FSTL4: variants seen among roughly 807,000 people sequenced by gnomAD.
FSTL4 encodes follistatin like 4, also known as follistatin-related protein 4.
In FSTL4, 28 loss-of-function variants were observed where a neutral mutation model predicts 78.2. The observed-to-expected ratio is 0.36, with a 90% CI of 0.27 to 0.49. The LOEUF (loss-of-function observed/expected upper bound fraction) is 0.49. Ranked by LOEUF, FSTL4 falls within the 20% of genes least tolerant of loss-of-function variation. FSTL4 has a pLI of 0.98. For missense variants in FSTL4, 922 were observed against 1,084.9 expected, an observed-to-expected ratio of 0.85 and a Z score of 2.11; for synonymous variants, 422 against 440.5, an observed-to-expected ratio of 0.96 and a Z score of 0.53.
chr5:133,594,154 A>G (rs1015731940), intron 2 of FSTL4, among the ~76,000 whole-genome samples: 2 of 152,222 alleles, frequency 1.3e-5, no homozygotes, highest in Non-Finnish European at 2.9e-5. Context: ...ATCCTAAGCC[A>G]TACTGCCAGG....
chr5:133,397,483 G>A (rs943615183), intron 4 of FSTL4, among the ~76,000 whole-genome samples: 2 of 152,210 alleles, frequency 1.3e-5, no homozygotes, highest in African/African-American at 4.8e-5. Context: ...ATCCCTAAAT[G>A]ATATATTTCA....
chr5:133,626,561 C>G, the FSTL4 span, among the ~76,000 whole-genome samples: 1,327 of 151,014 alleles, frequency 8.8e-3, 11 homozygotes, highest in South Asian at 0.015. Context: ...TGCTTTATGT[C>G]CCATAATTTT....
chr5:133,554,921 A>C (rs1478350212), intron 3 of FSTL4, among the ~76,000 whole-genome samples: 1 of 152,206 alleles, frequency 6.6e-6, no homozygotes, highest in Non-Finnish European at 1.5e-5. Flanking sequence ...TGGTATTCTC[A>C]GTCTGGGTTT....
At chr5:133,686,218 C>CA in the FSTL4 span, among the ~76,000 whole-genome samples, 1 of 152,242 alleles carries the variant, frequency 6.6e-6, no homozygotes, top group African/African-American at 2.4e-5. Context: ...ACCCCAGAGT[C>CA]AGACTGCCTG....
the FSTL4 span, among the ~76,000 whole-genome samples, chr5:133,798,519 TA>T: frequency 1.3e-3 from 186 of 145,120 alleles, no homozygotes; most frequent in African/African-American, 1.5e-3. Context: ...AAAAAAAACT[TA>T]AAAAAAAAAA....
At chr5:133,745,399 T>C in the FSTL4 span, among the ~76,000 whole-genome samples, 2 of 152,212 alleles carry the variant, frequency 1.3e-5, no homozygotes, top group Non-Finnish European at 2.9e-5. Context: ...CATAATTCAA[T>C]AAGCACATAA....
chr5:133,254,458 G>A (rs1175969818), intron 6 of FSTL4, among the ~76,000 whole-genome samples: 4 of 152,236 alleles, frequency 2.6e-5, no homozygotes, highest in South Asian at 2.1e-4. Context: ...GGCCTGGGCC[G>A]TGTGGCCACC....
chr5:133,332,767 T>C (rs951047547), intron 4 of FSTL4, among the ~76,000 whole-genome samples: 10 of 152,214 alleles, frequency 6.6e-5, no homozygotes, highest in African/African-American at 9.6e-5. Context: ...TCATGGCTCC[T>C]AATAAAAACA....
the FSTL4 span, among the ~76,000 whole-genome samples, chr5:133,696,442 G>A: frequency 1.3e-5 from 2 of 152,172 alleles, no homozygotes; most frequent in Non-Finnish European, 2.9e-5. Context: ...TGTTCACCCT[G>A]ACCCTAGAAT....
At chr5:133,206,820 C>T (rs1408401508) in intron 14 of FSTL4, among the ~76,000 whole-genome samples, 1 of 151,790 alleles carries the variant, frequency 6.6e-6, no homozygotes, top group Non-Finnish European at 1.5e-5. Context: ...TTCTTTCTTG[C>T]AAGTTTTGTT....
the FSTL4 span, among the ~76,000 whole-genome samples, chr5:133,813,513 G>C: frequency 6.6e-6 from 1 of 152,184 alleles, no homozygotes; most frequent in African/African-American, 2.4e-5. Context: ...AAATAACCAA[G>C]CTTCACACAT....
intron 2 of FSTL4, among the ~76,000 whole-genome samples, chr5:133,598,214 C>T (rs1029480915): frequency 6.6e-6 from 1 of 152,054 alleles, no homozygotes; most frequent in African/African-American, 2.4e-5. Context: ...TGGGATTCTC[C>T]TTGTGTGTGT....
At chr5:133,805,755 G>A in the FSTL4 span, among the ~76,000 whole-genome samples, 7 of 152,282 alleles carry the variant, frequency 4.6e-5, no homozygotes, top group Admixed American at 2.6e-4. Flanking sequence ...GACTTCCATG[G>A]TACTATTACT....
At chr5:133,478,173 G>A (rs1297400835) in intron 3 of FSTL4, among the ~76,000 whole-genome samples, 1 of 152,192 alleles carries the variant, frequency 6.6e-6, no homozygotes, top group Non-Finnish European at 1.5e-5. Flanking sequence ...GTGGGAATGA[G>A]CCACATAACC....
chr5:133,760,707 A>G, the FSTL4 span, among the ~76,000 whole-genome samples: 14 of 152,330 alleles, frequency 9.2e-5, no homozygotes, highest in East Asian at 2.7e-3. Flanking sequence ...TGAGGCAACA[A>G]AACCCCAAGT....
intron 6 of FSTL4, among the ~76,000 whole-genome samples, chr5:133,260,723 C>A (rs779280063): frequency 2.7e-4 from 41 of 152,232 alleles, no homozygotes; most frequent in Non-Finnish European, 4.3e-4. Flanking sequence ...GCTCTTACAG[C>A]TTGTTTGCTG....
chr5:133,425,228 A>ACCC (rs1180699219), intron 3 of FSTL4, among the ~76,000 whole-genome samples: 6 of 142,298 alleles, frequency 4.2e-5, no homozygotes, highest in Non-Finnish European at 9.4e-5. Flanking sequence ...AAAGTGACCT[A>ACCC]AAAAAAAAGG....
chr5:133,722,884 C>A, the FSTL4 span, among the ~76,000 whole-genome samples: 2 of 152,196 alleles, frequency 1.3e-5, no homozygotes, highest in Non-Finnish European at 2.9e-5. Context: ...GTGATGAATG[C>A]AAGTGCCTCA....
chr5:133,781,186 T>C, the FSTL4 span, among the ~76,000 whole-genome samples: 1 of 152,092 alleles, frequency 6.6e-6, no homozygotes, highest in Non-Finnish European at 1.5e-5. Context: ...AGGAAGCCTT[T>C]TACCTCCCAC....
Sources: gnomAD v4.1 joint callset for allele counts (sites outside exome capture counted in the v4.1 genomes callset) on GRCh38, gnomAD v4.1.1 for gene constraint, MANE v1.5 for transcripts, NCBI Gene and HGNC (gene_info 2026-07-23, HGNC 2026-07-21) for gene names.